SORCS1: variants seen among roughly 807,000 people sequenced by gnomAD.
SORCS1 encodes sortilin related VPS10 domain containing receptor 1.
Under a neutral mutation model 146.1 loss-of-function variants are expected in SORCS1, and 60 were observed. That is an observed-to-expected ratio of 0.41 (90% CI 0.33 to 0.51). The LOEUF (loss-of-function observed/expected upper bound fraction) is 0.51, where lower values mean the gene tolerates loss of function less well. Ranked by LOEUF, SORCS1 falls within the 20% of genes least tolerant of loss-of-function variation. The probability of loss-of-function intolerance (pLI) is 0.21; values close to 1 mark genes in which losing one functional copy is unlikely to be tolerated. For missense variants in SORCS1, 1,352 were observed against 1,487.6 expected (o/e 0.91, Z 1.50); for synonymous variants, 637 against 584.0 (o/e 1.09, Z -1.31).
At chr10:107,106,516 A>T (rs1392666999) in intron 1 of SORCS1, among the ~76,000 whole-genome samples, 1 of 152,200 alleles carries the variant, frequency 6.6e-6, no homozygotes, top group Non-Finnish European at 1.5e-5. Flanking sequence ...ATATATCTAA[A>T]TATTGAATGG....
At chr10:107,039,369 A>C (rs1959064458) in intron 1 of SORCS1, among the ~76,000 whole-genome samples, 2 of 152,022 alleles carry the variant, frequency 1.3e-5, no homozygotes, top group South Asian at 4.1e-4. Context: ...AACTTCTGAA[A>C]GTATGCCAAA....
chr10:106,945,432 A>G (rs982133587), intron 2 of SORCS1, among the ~76,000 whole-genome samples: 1 of 152,206 alleles, frequency 6.6e-6, no homozygotes, highest in Non-Finnish European at 1.5e-5. Flanking sequence ...ATTTTGACAT[A>G]AAAGGACAAT....
At chr10:106,695,103 C>T (rs948744285) in intron 9 of SORCS1, among the ~76,000 whole-genome samples, 7 of 152,200 alleles carry the variant, frequency 4.6e-5, no homozygotes, top group East Asian at 1.9e-4. Flanking sequence ...CACGATGCAC[C>T]GGACCATTCA....
chr10:106,774,785 G>A (rs184264729), intron 4 of SORCS1, among the ~76,000 whole-genome samples: 102 of 152,224 alleles, frequency 6.7e-4, no homozygotes, highest in Non-Finnish European at 1.2e-3. Flanking sequence ...ACTCATATGT[G>A]TTAATCATCT....
At chr10:106,629,432 C>A in intron 18 of SORCS1, 44 bp from the exon 19 acceptor site, 1 of 1,598,172 alleles carries the variant, frequency 6.3e-7, no homozygotes, top group South Asian at 1.1e-5. Context: ...TAGTATTCGG[C>A]TGCTCCTGCC....
Position 107,071,218 on chromosome 10 carries a change from A to AT in SORCS1, c.558+92750dup, listed in dbSNP as rs201847130. Among the ~76,000 whole-genome samples, 246 of 152,082 alleles carry AT rather than the reference A, an allele frequency of 1.6e-3. 2 individuals carry two copies. The highest frequency in any genetic ancestry group is 5.1e-3 in the African/African-American group (212 of 41,472). ...TTACGGCAGAAAAAAAAATGCTGGT[A>AT]TTTTTTTAAGTGGTTGTTTTTATTT... On this transcript the variant is annotated intron_variant, in intron 1 of 25. Transcript: ENST00000263054.
upstream of SORCS1, among the ~76,000 whole-genome samples, chr10:107,164,746 G>A (rs1969986407): frequency 6.7e-6 from 1 of 149,832 alleles, no homozygotes; most frequent in Non-Finnish European, 1.5e-5. The surrounding 1 kb of genome is among the most constrained non-coding windows in gnomAD (Gnocchi z 6.8). Flanking sequence ...GCCGCCGCGC[G>A]GGGGTGGAGC....
At chr10:106,962,197 C>G (rs1295208311) in intron 1 of SORCS1, among the ~76,000 whole-genome samples, 15 of 151,558 alleles carry the variant, frequency 9.9e-5, no homozygotes. Context: ...GTCGGGAGTT[C>G]AAGACCAGCC....
chr10:106,620,269 CA>C, intron 20 of SORCS1, 158 bp downstream of exon 20: 1 of 784,346 alleles, frequency 1.3e-6, no homozygotes, highest in Non-Finnish European at 1.9e-6. Context: ...AGAGAGAGAA[CA>C]TAATGATGAG....
intron 1 of SORCS1, among the ~76,000 whole-genome samples, chr10:107,107,283 A>G (rs1179317432): frequency 6.6e-6 from 1 of 152,242 alleles, no homozygotes; most frequent in African/African-American, 2.4e-5. Flanking sequence ...GAAAATACCT[A>G]TGTAATCCTG....
At chr10:106,984,457 G>A (rs1202016859) in intron 1 of SORCS1, among the ~76,000 whole-genome samples, 5 of 149,524 alleles carry the variant, frequency 3.3e-5, no homozygotes, top group African/African-American at 7.4e-5. Flanking sequence ...GCAGTGGTGC[G>A]ATCTCGGCTC....
chr10:107,092,143 C>G (rs1315952380), intron 1 of SORCS1, among the ~76,000 whole-genome samples: 1 of 152,198 alleles, frequency 6.6e-6, no homozygotes, highest in African/African-American at 2.4e-5. Flanking sequence ...ATCCATACAT[C>G]TGAAGTTCAG....
chr10:106,831,979 G>A (rs1429623846), intron 2 of SORCS1, among the ~76,000 whole-genome samples: 5 of 152,152 alleles, frequency 3.3e-5, no homozygotes, highest in Non-Finnish European at 7.4e-5. Context: ...ACACACATTA[G>A]CTTGATAGTC....
intron 1 of SORCS1, among the ~76,000 whole-genome samples, chr10:107,087,347 GCTTTATC>G (rs1565023836): frequency 6.6e-6 from 1 of 151,974 alleles, no homozygotes; most frequent in Non-Finnish European, 1.5e-5. Context: ...TTATTAAGTA[GCTTTATC>G]CTTGATCCAT....
At chr10:107,027,688 G>A (rs752669783) in intron 1 of SORCS1, among the ~76,000 whole-genome samples, 11 of 152,284 alleles carry the variant, frequency 7.2e-5, no homozygotes, top group South Asian at 2.1e-4. Context: ...CAAGGGCACC[G>A]CAGAAGTTTC....
intron 2 of SORCS1, among the ~76,000 whole-genome samples, chr10:106,867,326 C>T (rs898509379): frequency 6.6e-6 from 1 of 151,710 alleles, no homozygotes. Flanking sequence ...GTTCTGTCGC[C>T]CACGCTGGAG....
chr10:107,093,326 T>C (rs1340923942), intron 1 of SORCS1, among the ~76,000 whole-genome samples: 1 of 152,164 alleles, frequency 6.6e-6, no homozygotes, highest in African/African-American at 2.4e-5. Context: ...ATGACATCTC[T>C]TCATTATACC....
At chr10:106,833,906 G>C (rs1295140614) in intron 2 of SORCS1, among the ~76,000 whole-genome samples, 1 of 152,284 alleles carries the variant, frequency 6.6e-6, no homozygotes, top group Non-Finnish European at 1.5e-5. Context: ...CCATTCTCCT[G>C]CCTCAGCATC....
chr10:107,120,673 T>C (rs1359275498), intron 1 of SORCS1, among the ~76,000 whole-genome samples: 1 of 152,204 alleles, frequency 6.6e-6, no homozygotes, highest in Admixed American at 6.5e-5. Flanking sequence ...ACTCTTTCCA[T>C]GAAACCAAAG....
Sources: allele counts gnomAD v4.1 joint callset (sites outside exome capture counted in the v4.1 genomes callset), GRCh38; gene constraint gnomAD v4.1.1; non-coding constraint Gnocchi (gnomAD v3.1); transcripts MANE v1.5; gene names NCBI Gene and HGNC (gene_info 2026-07-23, HGNC 2026-07-21).